TRAF5: variants seen among roughly 807,000 people sequenced by gnomAD.
TRAF5 encodes TNF receptor associated factor 5.
Under a neutral mutation model 64.5 loss-of-function variants are expected in TRAF5, and 48 were observed. That is an observed-to-expected ratio of 0.74 (90% CI 0.59 to 0.95). The LOEUF (loss-of-function observed/expected upper bound fraction) is 0.95, where lower values mean the gene tolerates loss of function less well. Among genes scored for constraint, TRAF5 ranks in the 40% least tolerant of loss-of-function variants. TRAF5 has a pLI of 0.00. For missense variants in TRAF5, 545 were observed against 662.8 expected, an observed-to-expected ratio of 0.82 and a Z score of 1.95; for synonymous variants, 206 against 240.5, an observed-to-expected ratio of 0.86 and a Z score of 1.33.
chr1:211,329,709 C>G (rs1402843918), intron 1 of TRAF5, among the ~76,000 whole-genome samples: 1 of 152,184 alleles, frequency 6.6e-6, no homozygotes, highest in Non-Finnish European at 1.5e-5. Flanking sequence ...GACTCAGTCT[C>G]TGAAGAGCTT....
At chr1:211,358,560 T>G (rs1291101044) in intron 4 of TRAF5, 1 of 149,414 alleles carries the variant, frequency 6.7e-6, no homozygotes. Flanking sequence ...AATACAAAAA[T>G]TAGCTGGGTG....
chr1:211,371,318 T>C lies in TRAF5; in HGVS notation c.947T>C (p.Ile316Thr), dbSNP rs1358073253. 13 of 1,589,228 alleles carry C rather than the reference T, an allele frequency of 8.2e-6. No individual in the cohort carries two copies. The highest frequency in any genetic ancestry group is 2.7e-5 in the African/African-American group (2 of 73,374). Residue 316 changes from isoleucine to threonine, a missense_variant, in exon 10 of 11, where the codon ATT becomes ACT. Physicochemically the swap from Ile to Thr is moderately conservative, Grantham distance 89. Transcript: ENST00000261464. ...TAATGAAAGGTTTTTGCCAGTCACA[T>C]TGACAAGTCAGCTTGGCTAGAAGCT... ...LPNIQVFASHIDKSAWLEAQV... is the reference protein window; with the variant it reads ...LPNIQVFASHTDKSAWLEAQV...
chr1:211,343,435 T>TATATC (rs558278249), intron 1 of TRAF5, among the ~76,000 whole-genome samples: 22 of 152,056 alleles, frequency 1.4e-4, no homozygotes, highest in Non-Finnish European at 2.9e-4. Flanking sequence ...TGATAATATA[T>TATATC]ATATCATATC....
At chr1:211,360,193 A>C in intron 5 of TRAF5, 117 bp downstream of exon 5, 1 of 1,153,398 alleles carries the variant, frequency 8.7e-7, no homozygotes, top group Non-Finnish European at 1.2e-6. Context: ...GTACAGAATT[A>C]GGTCTAAAGA....
intron 1 of TRAF5, among the ~76,000 whole-genome samples, chr1:211,335,936 TGTG>T (rs1031702737): frequency 2.0e-5 from 3 of 151,544 alleles, no homozygotes; most frequent in Admixed American, 6.6e-5. Context: ...GATTTGCAGG[TGTG>T]GTGGCAGGAA....
Position 211,372,721 on chromosome 1 carries a change from A to G in TRAF5, c.*19A>G. 6.2e-7 allele frequency: 1 copy of G among 1,605,706 alleles called. No homozygotes were observed. Among genetic ancestry groups the G allele is most frequent in the Non-Finnish European group, 8.5e-7 (1 of 1,173,506 alleles). ...TCTCTAGTCACTGTTATGGGGTGAT[A>G]AGAGGACTTCTTGGGGCCAGAACTG... On this transcript the variant is annotated 3_prime_UTR_variant, in exon 11 of 11. Coordinates refer to ENST00000261464, the MANE Select transcript of TRAF5 (RefSeq NM_001033910.3).
At chr1:211,360,904 C>A in intron 6 of TRAF5, 125 bp downstream of exon 6, 1 of 996,006 alleles carries the variant, frequency 1.0e-6, no homozygotes, top group Non-Finnish European at 1.5e-6. Context: ...ATGACCATGA[C>A]GTATCTGTCT....
intron 4 of TRAF5, chr1:211,358,926 CTT>C (rs569994854): frequency 1.9e-3 from 284 of 149,020 alleles, no homozygotes; most frequent in African/African-American, 6.7e-3. Context: ...TTTAAAATAA[CTT>C]TTAAAATAAA....
intron 1 of TRAF5, among the ~76,000 whole-genome samples, chr1:211,327,815 C>T (rs1020853440): frequency 6.6e-6 from 1 of 152,226 alleles, no homozygotes; most frequent in Non-Finnish European, 1.5e-5. Flanking sequence ...TGAAACCAGG[C>T]GAGGCTCCCT....
intron 7 of TRAF5, among the ~76,000 whole-genome samples, chr1:211,361,910 T>C (rs1380701582): frequency 6.6e-6 from 1 of 151,984 alleles, no homozygotes; most frequent in Non-Finnish European, 1.5e-5. Flanking sequence ...TTGGCCAGGC[T>C]GGTCTTGAAC....
At chr1:211,327,682 T>C (rs1702059120) in intron 1 of TRAF5, among the ~76,000 whole-genome samples, 1 of 152,214 alleles carries the variant, frequency 6.6e-6, no homozygotes, top group Non-Finnish European at 1.5e-5. Context: ...TGGCCGACTT[T>C]CTCTGCTCAT....
chr1:211,372,552 T>C lies in TRAF5; in HGVS notation c.1524T>C (p.Phe508=). Residue 508 remains phenylalanine (F), a synonymous_variant, in exon 11 of 11, where the codon TTT becomes TTC. Coordinates refer to ENST00000261464, the MANE Select transcript of TRAF5 (RefSeq NM_001033910.3). ...AACCTGACCCCAATAGCAGCAGCTT[T>C]AAAAGACCTGATGGGGAGATGAACA... ...TFKPDPNSSS[F]KRPDGEMNIA... 1 of 1,614,196 alleles carries C rather than the reference T, an allele frequency of 6.2e-7. No homozygotes were observed. The highest frequency in any genetic ancestry group is 8.5e-7 in the Non-Finnish European group (1 of 1,180,026).
At chr1:211,329,428 C>G (rs1021437955) in intron 1 of TRAF5, among the ~76,000 whole-genome samples, 2 of 152,188 alleles carry the variant, frequency 1.3e-5, no homozygotes, top group African/African-American at 4.8e-5. Flanking sequence ...TAACTTCTCA[C>G]TACCTCCTCA....
At chr1:211,341,087 A>G (rs1702437294) in intron 1 of TRAF5, among the ~76,000 whole-genome samples, 6 of 152,178 alleles carry the variant, frequency 3.9e-5, no homozygotes. Flanking sequence ...CCATAGCTCC[A>G]TGCAGTGGGC....
intron 5 of TRAF5, 176 bp downstream of exon 5, chr1:211,360,252 T>G (rs1017317221): frequency 9.4e-6 from 6 of 635,946 alleles, no homozygotes; most frequent in Non-Finnish European, 1.6e-5. Context: ...ACCTTCTTGT[T>G]GGTAGCACTC....
chr1:211,356,563 A>AC, intron 4 of TRAF5, 95 bp downstream of exon 4: 4 of 1,106,640 alleles, frequency 3.6e-6, no homozygotes, highest in Non-Finnish European at 5.4e-6. Flanking sequence ...TAAGCATGGT[A>AC]CAGGGATTCA....
intron 1 of TRAF5, among the ~76,000 whole-genome samples, chr1:211,342,931 T>C (rs1183115484): frequency 1.3e-5 from 2 of 152,234 alleles, no homozygotes; most frequent in African/African-American, 4.8e-5. Flanking sequence ...ATCTTGGTTC[T>C]TCAGTGTTGC....
At chr1:211,357,742 A>G (rs998326032) in intron 4 of TRAF5, 2 of 152,234 alleles carry the variant, frequency 1.3e-5, no homozygotes, top group African/African-American at 4.8e-5. Context: ...TCTTACTACC[A>G]GAGGTGAAGG....
chr1:211,342,165 A>T (rs1320842866), intron 1 of TRAF5, among the ~76,000 whole-genome samples: 1 of 152,240 alleles, frequency 6.6e-6, no homozygotes, highest in Non-Finnish European at 1.5e-5. Context: ...CAATATGTAA[A>T]TGAATGAACA....
Sources: allele counts gnomAD v4.1 joint callset (sites outside exome capture counted in the v4.1 genomes callset), GRCh38; gene constraint gnomAD v4.1.1; transcripts MANE v1.5; gene names NCBI Gene and HGNC (gene_info 2026-07-23, HGNC 2026-07-21).